Variants in CTIF observed in about 807,000 individuals in gnomAD.
The protein encoded by CTIF is cap binding complex dependent translation initiation factor, also known as CBP80/20-dependent translation initiation factor.
Under a neutral mutation model 66.0 loss-of-function variants are expected in CTIF, and 21 were observed. The observed-to-expected ratio is 0.32, with a 90% CI of 0.23 to 0.46. The LOEUF (loss-of-function observed/expected upper bound fraction) is 0.46. Among genes scored for constraint, CTIF ranks in the 20% least tolerant of loss-of-function variants. The pLI, the probability that CTIF is intolerant of heterozygous loss-of-function variation, is 1.00. For synonymous variants in CTIF, 345 were observed against 326.4 expected (o/e 1.06, Z -0.62); for missense variants, 739 against 812.7 (o/e 0.91, Z 1.10).
At chr18:48,698,403 G>A (rs1336159663) in intron 6 of CTIF, among the ~76,000 whole-genome samples, 1 of 152,108 alleles carries the variant, frequency 6.6e-6, no homozygotes, top group Admixed American at 6.5e-5. Flanking sequence ...TTCAGAGACT[G>A]AGTCTCCTTG....
At chr18:48,673,719 A>C (rs1412278299) in intron 6 of CTIF, 1 of 152,224 alleles carries the variant, frequency 6.6e-6, no homozygotes, top group Non-Finnish European at 1.5e-5. Context: ...TTCTAGGTCA[A>C]GCTTGGCCAA....
At chr18:48,556,068 A>G (rs1230441570) in intron 1 of CTIF, among the ~76,000 whole-genome samples, 1 of 152,110 alleles carries the variant, frequency 6.6e-6, no homozygotes, top group Non-Finnish European at 1.5e-5. Flanking sequence ...TTTTATTCTA[A>G]ACATTGAGCC....
chr18:48,713,552 G>A (rs2092250357), intron 7 of CTIF, among the ~76,000 whole-genome samples: 1 of 152,122 alleles, frequency 6.6e-6, no homozygotes, highest in South Asian at 2.1e-4. Context: ...CAATGTCCGG[G>A]TTAGGTCAGC....
At chr18:48,812,974 G>A (rs1197569836) in intron 9 of CTIF, among the ~76,000 whole-genome samples, 2 of 151,354 alleles carry the variant, frequency 1.3e-5, no homozygotes, top group Admixed American at 6.6e-5. Context: ...CAGACTAGAT[G>A]TCCACTCTCT....
At chr18:48,748,777 GC>G (rs1470280735) in intron 7 of CTIF, among the ~76,000 whole-genome samples, 1 of 152,216 alleles carries the variant, frequency 6.6e-6, no homozygotes, top group Non-Finnish European at 1.5e-5. Context: ...TGGATGAGGT[GC>G]TGGTTGCAGA....
chr18:48,680,665 C>T (rs1011308538), intron 6 of CTIF, among the ~76,000 whole-genome samples: 2 of 152,244 alleles, frequency 1.3e-5, no homozygotes, highest in Non-Finnish European at 2.9e-5. Flanking sequence ...TTTAATCCTC[C>T]CACTCCCTGA....
chr18:48,732,257 A>C (rs2092463261), intron 7 of CTIF, among the ~76,000 whole-genome samples: 1 of 152,210 alleles, frequency 6.6e-6, no homozygotes, highest in South Asian at 2.1e-4. Context: ...GGGAGACCTC[A>C]GGATTCGGGG....
intron 7 of CTIF, among the ~76,000 whole-genome samples, chr18:48,713,897 A>G (rs2092253930): frequency 6.6e-6 from 1 of 152,206 alleles, no homozygotes; most frequent in Non-Finnish European, 1.5e-5. Context: ...ATGCCTGAAC[A>G]CAGAGCGTGT....
intron 10 of CTIF, among the ~76,000 whole-genome samples, chr18:48,848,267 C>G (rs1392803114): frequency 6.6e-6 from 1 of 152,214 alleles, no homozygotes; most frequent in African/African-American, 2.4e-5. Context: ...CCCCACAGCC[C>G]TGGCTCATCC....
At chr18:48,558,653 G>T (rs922134473) in intron 1 of CTIF, among the ~76,000 whole-genome samples, 17 of 152,130 alleles carry the variant, frequency 1.1e-4, no homozygotes, top group African/African-American at 4.1e-4. Context: ...ATAGTATCTG[G>T]TTTGTTTCAA....
At chr18:48,687,305 GACAC>G (rs3082465) in intron 6 of CTIF, among the ~76,000 whole-genome samples, 5,960 of 128,492 alleles carry the variant, frequency 0.046, 137 homozygotes, top group African/African-American at 0.053. Context: ...TCTAGGAGGG[GACAC>G]ACACACACAC....
At chr18:48,731,100 A>C in intron 7 of CTIF, among the ~76,000 whole-genome samples, 1 of 152,060 alleles carries the variant, frequency 6.6e-6, no homozygotes, top group East Asian at 1.9e-4. Flanking sequence ...GTGCTCATGG[A>C]GCAGTGTGTG....
chr18:48,806,467 C>A (rs1186028012), intron 9 of CTIF, among the ~76,000 whole-genome samples: 1 of 152,198 alleles, frequency 6.6e-6, no homozygotes, highest in Non-Finnish European at 1.5e-5. Context: ...ACCAGGGTCA[C>A]TGGGGGCATA....
At chr18:48,548,239 G>C (rs2088801649) in intron 1 of CTIF, among the ~76,000 whole-genome samples, 1 of 152,120 alleles carries the variant, frequency 6.6e-6, no homozygotes. Context: ...CCTTCCCCTG[G>C]GGTAGGCAGT....
chr18:48,669,514 A>C (rs180806441), intron 5 of CTIF, among the ~76,000 whole-genome samples: 1 of 151,912 alleles, frequency 6.6e-6, no homozygotes, highest in East Asian at 1.9e-4. Flanking sequence ...AAATTGAGTA[A>C]TTTGCATGAG....
chr18:48,782,392 C>T (rs892814168), intron 9 of CTIF, among the ~76,000 whole-genome samples: 2 of 152,162 alleles, frequency 1.3e-5, no homozygotes, highest in Non-Finnish European at 1.5e-5. Context: ...TCTCCTGAGC[C>T]TCTGCCACCC....
Position 48,694,193 on chromosome 18 carries a change from G to T in CTIF, c.508-17426G>T, listed in dbSNP as rs115167573. Among the ~76,000 whole-genome samples the T allele has an allele frequency of 8.5e-4, 129 of 152,370 alleles. 1 individual carries two copies. The highest frequency in any genetic ancestry group is 3.0e-3 in the African/African-American group (124 of 41,588). On this transcript the variant is annotated intron_variant, in intron 6 of 11. Coordinates refer to ENST00000256413, the MANE Select transcript of CTIF (RefSeq NM_014772.3). ...GCAGATGTTACTGTTTTCTCTGCAG[G>T]CTGTGAGTCGGGGGCTTGGGAAGCC...
At chr18:48,637,799 C>T (rs565083416) in intron 3 of CTIF, among the ~76,000 whole-genome samples, 1 of 151,992 alleles carries the variant, frequency 6.6e-6, no homozygotes, top group Non-Finnish European at 1.5e-5. Context: ...TAATAAGAGC[C>T]CCGGGGGTGG....
At chr18:48,561,607 A>G (rs1236101127) in intron 1 of CTIF, among the ~76,000 whole-genome samples, 2 of 152,194 alleles carry the variant, frequency 1.3e-5, no homozygotes, top group African/African-American at 4.8e-5. Context: ...CACTTTCAGG[A>G]AGCCCAAAGT....
Sources: allele counts gnomAD v4.1 joint callset (sites outside exome capture counted in the v4.1 genomes callset), GRCh38; gene constraint gnomAD v4.1.1; transcripts MANE v1.5; gene names NCBI Gene and HGNC (gene_info 2026-07-23, HGNC 2026-07-21).